Variants in ZNF646 observed in about 807,000 individuals in gnomAD.
ZNF646 encodes zinc finger protein 646.
A neutral mutation model predicts 115.4 loss-of-function variants in ZNF646; 49 were observed. The observed-to-expected ratio is 0.42, with a 90% CI of 0.34 to 0.54. The LOEUF is 0.54. ZNF646 is among the 20% of genes least tolerant of loss of function. The pLI, the probability that ZNF646 is intolerant of heterozygous loss-of-function variation, is 0.04. For missense variants in ZNF646, 2,269 were observed against 2,457.9 expected (o/e 0.92, Z 1.62); for synonymous variants, 933 against 939.0 (o/e 0.99, Z 0.12).
rs551326839 is a variant in ZNF646 at position 31,081,702 on chromosome 16, G to T, written c.5377+1G>T. On this transcript the variant is annotated splice_donor_variant, in intron 2 of 2. Transcript: ENST00000300850. LOFTEE classifies it high-confidence loss of function. ...GAGGAGTGGACGGTGGCCGGCTCCG[G>T]TAGGGGGCATGAAGGGTCCCAGGAG... 1.3e-6 allele frequency: 2 copies of T among 1,578,390 alleles called. No individual in the cohort carries two copies. The highest frequency in any genetic ancestry group is 2.7e-5 in the African/African-American group (2 of 74,540).
In ZNF646 at chr16:31,077,015, C is replaced by G; in HGVS notation, c.691C>G (p.Pro231Ala). ...AGGGGGCCAGGAGCCCACCCAGTCC[C>G]CTCCTGCTGAGGAGGAGCGGCGGTA... ...FTGGQEPTQS[P>A]PAEEERRYKC... The change falls in exon 2 of 3, where the codon CCT (proline) becomes GCT (alanine). Residue 231 changes from proline to alanine, a missense_variant. Physicochemically the swap from Pro to Ala is conservative, Grantham distance 27. Coordinates refer to ENST00000300850, the MANE Select transcript of ZNF646 (RefSeq NM_014699.4). 14 of 1,613,998 alleles carry G rather than the reference C, an allele frequency of 8.7e-6. No individual in the cohort carries two copies. Among genetic ancestry groups the G allele is most frequent in the Non-Finnish European group, 1.1e-5 (13 of 1,179,942 alleles).
Position 31,076,287 on chromosome 16 carries a change from G to C in ZNF646, c.-38G>C. ...CAGAGGAAGGTGCTGCCACGTGTCT[G>C]CTCCTTCTGAACCTCCAGGTTTCTG... On this transcript the variant is annotated 5_prime_UTR_variant, in exon 2 of 3. Transcript: ENST00000300850. 4.5e-6 allele frequency: 7 copies of C among 1,570,102 alleles called. No homozygotes were observed. The highest frequency in any genetic ancestry group is 6.1e-6 in the Non-Finnish European group (7 of 1,154,338).
rs747919883 is a variant in ZNF646, at chr16:31,077,366, G to A, written c.1042G>A (p.Ala348Thr). The A allele has an allele frequency of 1.9e-6, 3 of 1,613,066 alleles. No homozygotes were observed. The highest frequency in any genetic ancestry group is 2.5e-6 in the Non-Finnish European group (3 of 1,179,718). ...GAGCAGCCAGGACCAGCTCCCCAGT[G>A]CACAGATGCTGAATGGCTCTGCGGA... ...DESSQDQLPS[A>T]QMLNGSAELS... The change falls in exon 2 of 3, where the codon GCA (alanine) becomes ACA (threonine). Residue 348 changes from alanine to threonine, a missense_variant. By Grantham distance (58) the Ala-to-Thr change is moderately conservative. Transcript: ENST00000300850.
rs1373307313 is a variant in ZNF646, at chr16:31,080,296, C to A, written c.3972C>A (p.Gly1324=). 1 of 1,613,098 alleles carries A rather than the reference C, an allele frequency of 6.2e-7. No individual in the cohort carries two copies. Among genetic ancestry groups the A allele is most frequent in the Non-Finnish European group, 8.5e-7 (1 of 1,179,852 alleles). The change falls in exon 2 of 3, where the codon GGC becomes GGA. Residue 1324 remains glycine (G), a synonymous_variant. Transcript: ENST00000300850. The part of the protein sequence containing the change: ...LLNHRRSHET[G]QYSCPTCPKT... Reference sequence around the variant, plus strand: ...ACCACCGGCGCAGCCACGAGACGGGCCAGTACAGCTGCCCCACCTGCCCCA... The same window carrying A: ...ACCACCGGCGCAGCCACGAGACGGGACAGTACAGCTGCCCCACCTGCCCCA...
intron 2 of ZNF646, chr16:31,082,672 G>A (rs2057179008): frequency 4.8e-6 from 2 of 417,794 alleles, no homozygotes; most frequent in African/African-American, 4.3e-5. Flanking sequence ...TGGCCACCGA[G>A]GGTGGGTGGC....
chr16:31,082,095 C>G, intron 2 of ZNF646: 3 of 350,298 alleles, frequency 8.6e-6, no homozygotes, highest in Non-Finnish European at 1.1e-5. Context: ...AAAGAGGAAG[C>G]CATTGGTTTG....
chr16:31,073,753 A>T (rs2057038596), upstream of ZNF646: 1 of 152,278 alleles, frequency 6.6e-6, no homozygotes, highest in Admixed American at 6.5e-5. Flanking sequence ...GCTAGGACCC[A>T]GCGGGGGGCG....
rs1299073108 is a variant in ZNF646 at position 31,077,375 on chromosome 16, C to T, written c.1051C>T (p.Leu351=). The T allele has an allele frequency of 6.2e-7, 1 of 1,612,904 alleles. No homozygotes were observed. The highest frequency in any genetic ancestry group is 1.3e-5 in the African/African-American group (1 of 74,922). ...GGACCAGCTCCCCAGTGCACAGATG[C>T]TGAATGGCTCTGCGGAGCTCAGCAC... is the stretch of plus-strand genomic sequence containing the variant. ...SQDQLPSAQM[L]NGSAELSTSG... is the part of the protein sequence containing the mutation. The change falls in exon 2 of 3, where the codon CTG becomes TTG. Residue 351 remains leucine, a synonymous_variant. Transcript: ENST00000300850.
rs534873247 is a variant in ZNF646 at position 31,076,943 on chromosome 16, C to G, written c.619C>G (p.Leu207Val). 1 of 1,614,130 alleles carries G rather than the reference C, an allele frequency of 6.2e-7. No homozygotes were observed. The highest frequency in any genetic ancestry group is 1.3e-5 in the African/African-American group (1 of 75,044). The change falls in exon 2 of 3, where the codon CTT becomes GTT. Residue 207 changes from leucine to valine, a missense_variant. Leu to Val is a conservative substitution (Grantham distance 32). Around this residue, in one of 5 missense-constraint regions of ZNF646, gnomAD observed 334 missense variants for 323.5 expected, o/e 1.03. Transcript: ENST00000300850. ...PPLPIPASSL[L>V]SNLEQYLAES... ...TCTCCCCATCCCAGCCAGCAGCCTT[C>G]TTAGCAACTTGGAACAGTATCTGGC...
chr16:31,082,763 A>C, intron 2 of ZNF646: 1 of 604,086 alleles, frequency 1.7e-6, no homozygotes, highest in South Asian at 2.4e-5. Context: ...GAATGGCTTT[A>C]AGGATAGAAG....
rs1267972972 is a variant in ZNF646, at chr16:31,077,162, G to T, written c.838G>T (p.Ala280Ser). The change falls in exon 2 of 3, where the codon GCT becomes TCT. Residue 280 changes from alanine to serine, a missense_variant. Coordinates refer to ENST00000300850, the MANE Select transcript of ZNF646 (RefSeq NM_014699.4). ...TTTCAAGGAGTTCTCTAACCTCATG[G>T]CTCTGAAGAACCACTCTCGACTGCA... ...ICFKEFSNLM[A>S]LKNHSRLHAQ... The T allele has an allele frequency of 6.2e-7, 1 of 1,614,162 alleles. No individual in the cohort carries two copies. Among genetic ancestry groups the T allele is most frequent in the East Asian group, 2.2e-5 (1 of 44,880 alleles).
At position 31,083,061 on chromosome 16, in the gene ZNF646, A is replaced by G. The variant is rs536438059; in HGVS notation, c.5468A>G (p.Gln1823Arg). The stretch of plus-strand genomic sequence containing the variant: ...ACCCCACTCCTGGATCCTTCACCCC[A>G]GTGGCCTGCAGACCTCAGCTTCTCC... ...PTTPLLDPSP[Q>R]WPADLSFSL The change falls in exon 3 of 3, where the codon CAG becomes CGG. Residue 1823 changes from glutamine to arginine, a missense_variant. This residue lies in a region of ZNF646 where 1,062 missense variants were observed against 1,172.8 expected (regional missense o/e 0.91). Coordinates refer to ENST00000300850, the MANE Select transcript of ZNF646 (RefSeq NM_014699.4). 16 of 1,555,600 alleles carry G rather than the reference A, an allele frequency of 1.0e-5. No homozygotes were observed. In the East Asian group the frequency reaches 4.0e-4, roughly 39 times the overall value.
In ZNF646 at chr16:31,079,308, T is replaced by G; in HGVS notation, c.2984T>G (p.Val995Gly). 1 of 1,612,702 alleles carries G rather than the reference T, an allele frequency of 6.2e-7. No individual in the cohort carries two copies. Among genetic ancestry groups the G allele is most frequent in the Non-Finnish European group, 8.5e-7 (1 of 1,179,094 alleles). ...TADKAPSPLG[V>G]AGDAMEMVVD... ...GACAAGGCTCCCAGCCCCTTGGGAG[T>G]GGCAGGTGATGCCATGGAGATGGTC... Residue 995 changes from valine (V) to glycine (G), a missense_variant, in exon 2 of 3, where the codon GTG becomes GGG. By Grantham distance (109) the Val-to-Gly change is moderately radical (BLOSUM62 -3). Coordinates refer to ENST00000300850, the MANE Select transcript of ZNF646 (RefSeq NM_014699.4). This position sits in a 1 kb window ranked among gnomAD's most constrained non-coding sequence, Gnocchi z 5.5.
In ZNF646 at chr16:31,076,513, G is replaced by T; in HGVS notation, c.189G>T (p.Leu63=). The stretch of plus-strand genomic sequence containing the variant: ...GGGGCTACCGTCACCCCGGGAGCCT[G>T]GTTAACCATCGTCGGACCCACGAGA... ...CGRGYRHPGS[L]VNHRRTHETG... is the part of the protein sequence containing the mutation. Residue 63 remains leucine, a synonymous_variant, in exon 2 of 3, where the codon CTG becomes CTT. Transcript: ENST00000300850. 1 of 1,613,350 alleles carries T rather than the reference G, an allele frequency of 6.2e-7. No homozygotes were observed. Among genetic ancestry groups the T allele is most frequent in the Non-Finnish European group, 8.5e-7 (1 of 1,179,750 alleles).
rs772949321 is a variant in ZNF646 at position 31,080,030 on chromosome 16, T to C, written c.3706T>C (p.Ser1236Pro). ...CGGCCACTTTGGCTGTCAGGCCTGC[T>C]CCAAGGGCTTCTCAAACCTCATGTC... ...QTGHFGCQAC[S>P]KGFSNLMSLK... Residue 1236 changes from serine (S) to proline (P), a missense_variant, in exon 2 of 3, where the codon TCC becomes CCC. Coordinates refer to ENST00000300850, the MANE Select transcript of ZNF646 (RefSeq NM_014699.4). The C allele has an allele frequency of 6.2e-7, 1 of 1,605,142 alleles. No individual in the cohort carries two copies. The highest frequency in any genetic ancestry group is 2.2e-5 in the East Asian group (1 of 44,474).
rs2057137159 is a variant in ZNF646 at position 31,080,234 on chromosome 16, TGCGGGC to T, written c.3912_3917del (p.Cys1304_Arg1306delinsTrp). 1.9e-6 allele frequency: 3 copies of T among 1,611,802 alleles called. No individual in the cohort carries two copies. Among genetic ancestry groups the T allele is most frequent in the Non-Finnish European group, 2.5e-6 (3 of 1,179,470 alleles). On this transcript the variant is annotated inframe_deletion, in exon 2 of 3. Transcript: ENST00000300850. ...AGATCGGCCCTTCCGCTGTGGGCAG[TGCGGGC>T]GGACCTATCGCCACGCCGGCAGCCT...
rs1190107304 is a variant in ZNF646, at chr16:31,078,165, C to T, written c.1841C>T (p.Pro614Leu). Reference protein sequence around the residue: ...NSRTETTMSPPRAFACRDCGK... With the variant: ...NSRTETTMSPLRAFACRDCGK... ...AGAACAGAGACCACAATGTCACCTC[C>T]TAGGGCCTTTGCCTGCCGAGACTGT... The change falls in exon 2 of 3, where the codon CCT (proline) becomes CTT (leucine). Residue 614 changes from proline (P) to leucine (L), a missense_variant. Physicochemically the swap from Pro to Leu is moderately conservative, Grantham distance 98. This residue lies in a region of ZNF646 where 852 missense variants were observed against 900.2 expected (regional missense o/e 0.95). Coordinates refer to ENST00000300850, the MANE Select transcript of ZNF646 (RefSeq NM_014699.4). The T allele has an allele frequency of 2.5e-6, 4 of 1,614,034 alleles. No homozygotes were observed. Among genetic ancestry groups the T allele is most frequent in the African/African-American group, 1.3e-5 (1 of 75,062 alleles).
At chr16:31,072,707 A>G (rs1184698111), upstream of ZNF646, 1 of 152,238 alleles carries the variant, frequency 6.6e-6, no homozygotes, top group Non-Finnish European at 1.5e-5. Flanking sequence ...TAGGCCTCCT[A>G]CCGGGCCAGT....
In ZNF646 at chr16:31,079,736, C is replaced by T. The variant is rs1417073807; in HGVS notation, c.3412C>T (p.His1138Tyr). The T allele has an allele frequency of 8.1e-6, 13 of 1,613,544 alleles. No homozygotes were observed. The highest frequency in any genetic ancestry group is 1.3e-5 in the African/African-American group (1 of 74,862). Residue 1138 changes from histidine to tyrosine, a missense_variant, in exon 2 of 3, where the codon CAC (histidine) becomes TAC (tyrosine). Physicochemically the swap from His to Tyr is moderately conservative, Grantham distance 83 (BLOSUM62 2). Around this residue, in one of 5 missense-constraint regions of ZNF646, gnomAD observed 1,062 missense variants for 1,172.8 expected, o/e 0.91. Transcript: ENST00000300850. The surrounding 1 kb of genome is among the most constrained non-coding windows in gnomAD (Gnocchi z 5.5). ...IPEGGSNKPQ[H>Y]MAEEGPGQAE... ...AGAAGGAGGCAGCAACAAGCCCCAG[C>T]ACATGGCAGAGGAGGGGCCGGGGCA...
Sources: allele counts gnomAD v4.1 joint callset, GRCh38; gene constraint gnomAD v4.1.1; regional missense constraint gnomAD v4.1.1; non-coding constraint Gnocchi (gnomAD v3.1); transcripts MANE v1.5; gene names NCBI Gene and HGNC (gene_info 2026-07-23, HGNC 2026-07-21).